The following AK9 variants were observed in gnomAD, a reference collection of about 807,000 sequenced individuals.
AK9 encodes the protein adenylate kinase 9.
Under a neutral mutation model 239.6 loss-of-function variants are expected in AK9, and 191 were observed. The ratio of observed to expected loss-of-function variants is 0.80; its 90% CI spans 0.71 to 0.90. AK9 has a LOEUF of 0.90. AK9 is among the 40% of genes least tolerant of loss of function. AK9 has a pLI of 0.00. For missense variants in AK9, 1,995 were observed against 2,214.7 expected (o/e 0.90, Z 1.99); for synonymous variants, 689 against 721.0 (o/e 0.96, Z 0.71).
intron 22 of AK9, 29 bp downstream of exon 22, chr6:109,564,727 C>T: frequency 6.8e-7 from 1 of 1,467,542 alleles, no homozygotes; most frequent in Non-Finnish European, 9.2e-7. Flanking sequence ...TACTTTTATG[C>T]AAGAACTACT....
rs570037026 is a variant in AK9, at chr6:109,656,718, T to C, written c.759+38A>G. 4 of 1,534,992 alleles carry C rather than the reference T, an allele frequency of 2.6e-6. No individual in the cohort carries two copies. In the South Asian group the frequency reaches 4.6e-5, roughly 18 times the overall value. On this transcript the variant is annotated intron_variant, in intron 8 of 40. Coordinates refer to ENST00000424296, the MANE Select transcript of AK9 (RefSeq NM_001145128.3). ...TACTTAACCAGTGATGAAACACAAA[T>C]ATCAATATTCATTTTCAGCAATATA...
intron 10 of AK9, among the ~76,000 whole-genome samples, chr6:109,637,899 T>TA (rs573801980): frequency 7.3e-4 from 111 of 152,330 alleles, no homozygotes; most frequent in African/African-American, 2.6e-3. Flanking sequence ...CTAGATTTTG[T>TA]AAAAATACAT....
At chr6:109,564,912 C>A in intron 21 of AK9, 67 bp from the exon 22 acceptor site, 1 of 1,212,622 alleles carries the variant, frequency 8.2e-7, no homozygotes, top group Non-Finnish European at 1.1e-6. Context: ...AAAGTTTTGG[C>A]ACAAAGAACA....
intron 1 of AK9, among the ~76,000 whole-genome samples, chr6:109,685,279 CAT>C (rs1464529918): frequency 6.6e-6 from 1 of 152,134 alleles, no homozygotes. Flanking sequence ...CACATGCACA[CAT>C]ATGTTTACTG....
intron 5 of AK9, 101 bp downstream of exon 5, chr6:109,671,818 A>T: frequency 1.1e-6 from 1 of 936,680 alleles, no homozygotes; most frequent in Non-Finnish European, 1.6e-6. Flanking sequence ...TTCTTATGCT[A>T]AGGCAAAAGA....
At chr6:109,648,280 C>CA (rs1241999566) in intron 8 of AK9, among the ~76,000 whole-genome samples, 11 of 152,000 alleles carry the variant, frequency 7.2e-5, no homozygotes, top group South Asian at 2.1e-4. Flanking sequence ...AAAAATCCTT[C>CA]AAAAAATCAA....
rs1441873738 is a variant in AK9, at chr6:109,619,138, T to C, written c.1353A>G (p.Lys451=). 1 of 1,547,176 alleles carries C rather than the reference T, an allele frequency of 6.5e-7. No individual in the cohort carries two copies. Among genetic ancestry groups the C allele is most frequent in the African/African-American group, 1.4e-5 (1 of 72,626 alleles). The change falls in exon 13 of 41, where the codon AAA becomes AAG. Residue 451 remains lysine (K), a synonymous_variant. Coordinates refer to ENST00000424296, the MANE Select transcript of AK9 (RefSeq NM_001145128.3). ...TIAEATAAAI[K]VVKEKLLREL... ...CCCTGAGAAGCTTTTCTTTCACAAC[T>C]TTAATTGCTGCTGCAGTGGCCTCAG...
At chr6:109,641,337 TTTTC>T (rs1257828081) in intron 10 of AK9, among the ~76,000 whole-genome samples, 177 bp downstream of exon 10, 6 of 132,916 alleles carry the variant, frequency 4.5e-5, no homozygotes, top group African/African-American at 8.1e-5. Flanking sequence ...CTGGCTAATT[TTTTC>T]TTTCTTTCTT....
In AK9 at chr6:109,514,451, A is replaced by G; in HGVS notation, c.4066-14T>C. 6.6e-7 allele frequency: 1 copy of G among 1,509,456 alleles called. No individual in the cohort carries two copies. The highest frequency in any genetic ancestry group is 8.9e-7 in the Non-Finnish European group (1 of 1,124,464). The allele number at this position is 1,509,456 out of a possible 1,614,324, so 93.5% of individuals were successfully genotyped here. ...TCCTTCACTTAGCTGCAACATATAC[A>G]CAGTTGAATTTGAAAGTTAGTTTGA... is the stretch of plus-strand genomic sequence containing the variant. On this transcript the variant is annotated splice_polypyrimidine_tract_variant and intron_variant, in intron 31 of 40. Transcript: ENST00000424296.
At chr6:109,562,988 G>C (rs1785977991) in intron 24 of AK9, among the ~76,000 whole-genome samples, 2 of 152,146 alleles carry the variant, frequency 1.3e-5, no homozygotes, top group South Asian at 4.1e-4. Context: ...CAGTTCCTTA[G>C]TGATAAAGTA....
At chr6:109,569,910 C>T (rs1347298826) in intron 21 of AK9, among the ~76,000 whole-genome samples, 2 of 152,164 alleles carry the variant, frequency 1.3e-5, no homozygotes, top group African/African-American at 2.4e-5. Flanking sequence ...TACCATTTGA[C>T]CCAGCCATCC....
intron 18 of AK9, among the ~76,000 whole-genome samples, chr6:109,585,485 C>T (rs954853053): frequency 1.3e-5 from 2 of 151,808 alleles, no homozygotes; most frequent in African/African-American, 4.8e-5. Flanking sequence ...ATATTTTTCC[C>T]CTGGCAATTC....
At chr6:109,574,076 A>C (rs1787765472) in intron 20 of AK9, among the ~76,000 whole-genome samples, 1 of 152,212 alleles carries the variant, frequency 6.6e-6, no homozygotes, top group South Asian at 2.1e-4. Context: ...AGAAAATTTA[A>C]AGTTCCATGT....
At chr6:109,631,481 T>C (rs1005787455) in intron 12 of AK9, among the ~76,000 whole-genome samples, 2 of 152,188 alleles carry the variant, frequency 1.3e-5, no homozygotes, top group Non-Finnish European at 2.9e-5. Flanking sequence ...CACAGTGAGA[T>C]ACTATTATAC....
Position 109,551,770 on chromosome 6 carries a change from C to CAA in AK9, c.2752-1470_2752-1469dup, listed in dbSNP as rs141456654. On this transcript the variant is annotated intron_variant, in intron 24 of 40. Coordinates refer to ENST00000424296, the MANE Select transcript of AK9 (RefSeq NM_001145128.3). ...TTTTTTTTCAGTTTTTTATTTCTTC[C>CAA]AAAAAAAAAAAGGGGGGTACATGTG... Among the ~76,000 whole-genome samples the CAA allele has an allele frequency of 6.0e-3, 811 of 135,072 alleles. 1 individual carries two copies. Among genetic ancestry groups the CAA allele is most frequent in the African/African-American group, 0.011 (433 of 38,554 alleles). 88.6% of individuals were successfully genotyped at this position (135,072 alleles called of 152,430 possible).
At chr6:109,625,226 T>C (rs1795374511) in intron 12 of AK9, among the ~76,000 whole-genome samples, 1 of 152,228 alleles carries the variant, frequency 6.6e-6, no homozygotes, top group Non-Finnish European at 1.5e-5. Flanking sequence ...GTGTCTTTTA[T>C]CCGAAAATGT....
intron 8 of AK9, among the ~76,000 whole-genome samples, chr6:109,655,461 G>A (rs777203471): frequency 1.7e-4 from 26 of 152,214 alleles, no homozygotes; most frequent in South Asian, 8.3e-4. Context: ...CATAGTTAAC[G>A]TGAATATTTT....
At chr6:109,644,436 T>C in intron 9 of AK9, 178 bp downstream of exon 9, 1 of 475,768 alleles carries the variant, frequency 2.1e-6, no homozygotes, top group Non-Finnish European at 3.5e-6. Flanking sequence ...GTAGTTTTGA[T>C]TTTAAAATGG....
intron 35 of AK9, among the ~76,000 whole-genome samples, chr6:109,505,685 C>A (rs1489104300): frequency 6.6e-6 from 1 of 152,264 alleles, no homozygotes; most frequent in East Asian, 1.9e-4. Context: ...ATTCCAAACA[C>A]TATATACCCT....
Sources: gnomAD v4.1 joint callset for allele counts (sites outside exome capture counted in the v4.1 genomes callset) on GRCh38, gnomAD v4.1.1 for gene constraint, MANE v1.5 for transcripts, NCBI Gene and HGNC (gene_info 2026-07-23, HGNC 2026-07-21) for gene names.